DOCK8: variants seen among roughly 807,000 people sequenced by gnomAD.
The protein encoded by DOCK8 is dedicator of cytokinesis 8, also known as dedicator of cytokinesis protein 8.
Under a neutral mutation model 245.6 loss-of-function variants are expected in DOCK8, and 141 were observed. The ratio of observed to expected loss-of-function variants is 0.57; its 90% CI spans 0.50 to 0.66. The LOEUF (loss-of-function observed/expected upper bound fraction) is 0.66, where lower values mean the gene tolerates loss of function less well. DOCK8 is among the 30% of genes least tolerant of loss of function. DOCK8 has a pLI of 0.00. For synonymous variants in DOCK8, 1,168 were observed against 970.2 expected (o/e 1.20, Z -3.79); for missense variants, 2,965 against 2,603.4 (o/e 1.14, Z -3.02).
intron 33 of DOCK8, among the ~76,000 whole-genome samples, chr9:426,626 T>G (rs2056511470): frequency 6.6e-6 from 1 of 152,194 alleles, no homozygotes; most frequent in East Asian, 1.9e-4. Context: ...ACCCATAGTG[T>G]TATTTTTATA....
At position 428,354 on chromosome 9, in the gene DOCK8, T is replaced by C; in HGVS notation, c.4339-8T>C. The C allele has an allele frequency of 1.2e-6, 2 of 1,614,006 alleles. No homozygotes were observed. The highest frequency in any genetic ancestry group is 1.7e-6 in the Non-Finnish European group (2 of 1,179,998). On this transcript the variant is annotated splice_region_variant and splice_polypyrimidine_tract_variant and intron_variant, in intron 34 of 47. Transcript: ENST00000432829. ...GGATTCAATGATGCTGTTCTTCCATTCCCCCAGGCGAGCTCGGCTCTGGAC... is the reference window on the plus strand; with the variant it reads ...GGATTCAATGATGCTGTTCTTCCATCCCCCCAGGCGAGCTCGGCTCTGGAC...
At chr9:315,507 A>C (rs1354770710) in intron 6 of DOCK8, among the ~76,000 whole-genome samples, 2 of 152,218 alleles carry the variant, frequency 1.3e-5, no homozygotes, top group African/African-American at 4.8e-5. Flanking sequence ...GACAAAAATT[A>C]TTTAGTGGCA....
chr9:336,503 A>T, intron 11 of DOCK8, 79 bp from the exon 12 acceptor site: 1 of 1,584,478 alleles, frequency 6.3e-7, no homozygotes, highest in Non-Finnish European at 8.7e-7. Flanking sequence ...GACTTTAATC[A>T]TACATATTGT....
intron 1 of DOCK8, among the ~76,000 whole-genome samples, chr9:270,840 G>C (rs1232320867): frequency 6.6e-6 from 1 of 152,140 alleles, no homozygotes; most frequent in Non-Finnish European, 1.5e-5. Flanking sequence ...TTGTGAACTA[G>C]CCTGAGAATC....
At chr9:453,774 C>T (rs1247692605) in intron 46 of DOCK8, among the ~76,000 whole-genome samples, 1 of 152,022 alleles carries the variant, frequency 6.6e-6, no homozygotes, top group Non-Finnish European at 1.5e-5. Context: ...GCCGTCTAGG[C>T]TGGTCTTGAA....
At chr9:317,336 T>C (rs1242005059) in intron 7 of DOCK8, among the ~76,000 whole-genome samples, 1 of 152,090 alleles carries the variant, frequency 6.6e-6, no homozygotes, top group African/African-American at 2.4e-5. Flanking sequence ...TCTTCTACAA[T>C]AGAGAAGGCA....
intron 2 of DOCK8, among the ~76,000 whole-genome samples, chr9:274,062 A>G (rs764940956): frequency 6.6e-6 from 1 of 152,196 alleles, no homozygotes; most frequent in Non-Finnish European, 1.5e-5. Context: ...AAATTATTTT[A>G]TGTAAAGTTA....
Position 326,070 on chromosome 9 carries a change from T to C in DOCK8, c.894+333T>C, listed in dbSNP as rs115162945. Among the ~76,000 whole-genome samples the C allele has an allele frequency of 4.0e-3, 612 of 152,322 alleles. 3 individuals are homozygous for C. Among genetic ancestry groups the C allele is most frequent in the African/African-American group, 0.014 (584 of 41,580 alleles). On this transcript the variant is annotated intron_variant, in intron 8 of 47. Coordinates refer to ENST00000432829, the MANE Select transcript of DOCK8 (RefSeq NM_203447.4). ...GGATGCGCATGTAAAGCTTCCTCAG[T>C]TTGAGAGTTCTTTGCACTGTGAAAT...
intron 22 of DOCK8, among the ~76,000 whole-genome samples, chr9:383,824 T>C (rs920826894): frequency 1.3e-5 from 2 of 152,154 alleles, no homozygotes; most frequent in African/African-American, 4.8e-5. Context: ...ATGAATTCTT[T>C]ATTTTTTTCA....
intron 14 of DOCK8, among the ~76,000 whole-genome samples, chr9:344,125 C>G (rs1178983495): frequency 6.6e-6 from 1 of 152,002 alleles, no homozygotes; most frequent in Non-Finnish European, 1.5e-5. Context: ...CAAGGACACC[C>G]CGTTAGAAAT....
chr9:264,453 C>T (rs948977426), intron 1 of DOCK8, among the ~76,000 whole-genome samples: 4 of 152,072 alleles, frequency 2.6e-5, no homozygotes, highest in Admixed American at 6.6e-5. Context: ...CTGTTGAATC[C>T]GTTTTATGGA....
At chr9:230,838 C>T (rs2047098810) in intron 1 of DOCK8, among the ~76,000 whole-genome samples, 1 of 151,940 alleles carries the variant, frequency 6.6e-6, no homozygotes, top group South Asian at 2.1e-4. Context: ...AAATTTTCTC[C>T]CATTCTGTAG....
intron 2 of DOCK8, among the ~76,000 whole-genome samples, chr9:275,152 C>T (rs2048293378): frequency 6.6e-6 from 1 of 152,128 alleles, no homozygotes; most frequent in Admixed American, 6.5e-5. Context: ...AATGCTGTCC[C>T]TAGTAGGGAA....
intron 1 of DOCK8, among the ~76,000 whole-genome samples, chr9:245,820 A>G (rs2047492910): frequency 6.6e-6 from 1 of 152,258 alleles, no homozygotes; most frequent in Non-Finnish European, 1.5e-5. Flanking sequence ...GAACTTGGGC[A>G]GCACCAAGAT....
At chr9:226,897 A>G (rs538809076) in intron 1 of DOCK8, among the ~76,000 whole-genome samples, 3 of 152,232 alleles carry the variant, frequency 2.0e-5, no homozygotes, top group Non-Finnish European at 2.9e-5. Context: ...AAAAATATTG[A>G]TATGATTTTG....
At chr9:447,883 A>G (rs2057313566) in intron 44 of DOCK8, among the ~76,000 whole-genome samples, 3 of 152,220 alleles carry the variant, frequency 2.0e-5, no homozygotes, top group African/African-American at 7.2e-5. Context: ...GCAGTGACTC[A>G]GTCGGGAGGA....
chr9:232,228 G>A (rs997443923), intron 1 of DOCK8, among the ~76,000 whole-genome samples: 5 of 152,160 alleles, frequency 3.3e-5, no homozygotes, highest in African/African-American at 1.2e-4. Flanking sequence ...AACCAGCCTT[G>A]CATCCCAGGG....
chr9:339,038 C>G lies in DOCK8; in HGVS notation c.1455C>G (p.Phe485Leu), dbSNP rs1243649740. The change falls in exon 13 of 48, where the codon TTC becomes TTG. Residue 485 changes from phenylalanine (F) to leucine (L), a missense_variant. Physicochemically the swap from Phe to Leu is conservative, Grantham distance 22 (BLOSUM62 0). Around this residue, in one of 3 missense-constraint regions of DOCK8, gnomAD observed 2,825 missense variants for 2,453.5 expected, o/e 1.15. Transcript: ENST00000432829. ...EGDRLSDEDL[F>L]KFLADYKRSS... ...ATCGCCTTAGCGATGAAGACTTATTCAAGTTTTTAGCTGACTACAAAAGAT... is the reference window on the plus strand; with the variant it reads ...ATCGCCTTAGCGATGAAGACTTATTGAAGTTTTTAGCTGACTACAAAAGAT... 6.2e-7 allele frequency: 1 copy of G among 1,614,002 alleles called. No individual in the cohort carries two copies. Among genetic ancestry groups the G allele is most frequent in the African/African-American group, 1.3e-5 (1 of 74,948 alleles).
intron 4 of DOCK8, among the ~76,000 whole-genome samples, chr9:303,513 C>T (rs1188940232): frequency 6.6e-6 from 1 of 152,098 alleles, no homozygotes; most frequent in Non-Finnish European, 1.5e-5. Flanking sequence ...AGCTGGAGGC[C>T]ATTATCCTAA....
Sources: allele counts gnomAD v4.1 joint callset (sites outside exome capture counted in the v4.1 genomes callset), GRCh38; gene constraint gnomAD v4.1.1; regional missense constraint gnomAD v4.1.1; transcripts MANE v1.5; gene names NCBI Gene and HGNC (gene_info 2026-07-23, HGNC 2026-07-21).